Variants in SLC2A13 observed in about 807,000 individuals in gnomAD.
The protein encoded by SLC2A13 is solute carrier family 2 member 13, also known as proton myo-inositol cotransporter.
Under a neutral mutation model 64.4 loss-of-function variants are expected in SLC2A13, and 32 were observed. That is an observed-to-expected ratio of 0.50 (90% CI 0.37 to 0.67). SLC2A13 has a LOEUF of 0.67. SLC2A13 is among the 30% of genes least tolerant of loss of function. The probability of loss-of-function intolerance (pLI) is 0.00; values close to 1 mark genes in which losing one functional copy is unlikely to be tolerated. For missense variants in SLC2A13, 743 were observed against 829.2 expected (o/e 0.90, Z 1.28); for synonymous variants, 338 against 327.1 (o/e 1.03, Z -0.36).
At chr12:39,763,371 G>A (rs1263087511) in intron 9 of SLC2A13, among the ~76,000 whole-genome samples, 1 of 152,052 alleles carries the variant, frequency 6.6e-6, no homozygotes, top group Non-Finnish European at 1.5e-5. Flanking sequence ...AAGAGATGGG[G>A]AATAGATTTT....
intron 4 of SLC2A13, among the ~76,000 whole-genome samples, chr12:39,912,802 T>C (rs548936931): frequency 7.9e-5 from 12 of 152,214 alleles, no homozygotes; most frequent in African/African-American, 2.9e-4. Flanking sequence ...CTGTGTCTTG[T>C]GTAAACGTTA....
chr12:39,790,256 CATGTGCACATTG>C (rs1433215437), intron 7 of SLC2A13, among the ~76,000 whole-genome samples: 3 of 147,948 alleles, frequency 2.0e-5, no homozygotes, highest in Non-Finnish European at 4.4e-5. Flanking sequence ...TTTTAGGGTA[CATGTGCACATTG>C]TGCAGGTTAG....
At chr12:40,082,190 A>G (rs1452700663) in intron 1 of SLC2A13, among the ~76,000 whole-genome samples, 1 of 152,190 alleles carries the variant, frequency 6.6e-6, no homozygotes, top group Non-Finnish European at 1.5e-5. Context: ...TAGCATGCAC[A>G]CGGCATGTAC....
chr12:39,778,382 G>C (rs1265314746), intron 7 of SLC2A13, among the ~76,000 whole-genome samples: 4 of 152,148 alleles, frequency 2.6e-5, no homozygotes, highest in Non-Finnish European at 5.9e-5. Flanking sequence ...TTGGGGGCCA[G>C]CTGTAGGGAT....
chr12:40,029,886 G>A (rs1294789801), intron 2 of SLC2A13, among the ~76,000 whole-genome samples: 1 of 152,172 alleles, frequency 6.6e-6, no homozygotes, highest in East Asian at 1.9e-4. Flanking sequence ...AGTCACTCCT[G>A]CCTCTGCTCA....
rs1940989066 is a variant in SLC2A13, at chr12:39,781,638, C to T, written c.1446-16780G>A. ...TCATTCAATTTATCCCTTATTCTTG[C>T]TATGAATTTCCATATTATAGTCCAG... On this transcript the variant is annotated intron_variant, in intron 7 of 9. Transcript: ENST00000280871. 3.3e-5 allele frequency among the ~76,000 whole-genome samples: 5 copies of T among 152,190 alleles called. No individual in the cohort carries two copies. In the South Asian group the frequency reaches 8.3e-4, roughly 25 times the overall value.
chr12:39,856,210 A>G (rs1292536222), intron 6 of SLC2A13, among the ~76,000 whole-genome samples: 1 of 152,040 alleles, frequency 6.6e-6, no homozygotes, highest in Non-Finnish European at 1.5e-5. Flanking sequence ...TCTCTTATCA[A>G]TAGCAACCCT....
intron 3 of SLC2A13, among the ~76,000 whole-genome samples, chr12:40,013,610 G>A (rs1947569671): frequency 6.6e-6 from 1 of 152,158 alleles, no homozygotes; most frequent in Admixed American, 6.5e-5. Flanking sequence ...CCCACTATAT[G>A]ACACAAGAAC....
At chr12:39,995,660 T>A (rs548928613) in intron 3 of SLC2A13, among the ~76,000 whole-genome samples, 11 of 152,342 alleles carry the variant, frequency 7.2e-5, no homozygotes, top group African/African-American at 2.6e-4. Context: ...AGCTTTGACA[T>A]CTGATATGGT....
intron 3 of SLC2A13, among the ~76,000 whole-genome samples, chr12:40,005,311 T>C (rs1235952459): frequency 6.6e-6 from 1 of 152,154 alleles, no homozygotes; most frequent in Non-Finnish European, 1.5e-5. Context: ...TGTCCCCAGG[T>C]GAGCCACAAC....
At chr12:39,846,190 A>T (rs1943306720) in intron 6 of SLC2A13, among the ~76,000 whole-genome samples, 1 of 152,178 alleles carries the variant, frequency 6.6e-6, no homozygotes, top group African/African-American at 2.4e-5. Flanking sequence ...CTGCTCTAGA[A>T]AAACCAAGGT....
intron 5 of SLC2A13, among the ~76,000 whole-genome samples, chr12:39,871,296 T>C (rs181944983): frequency 7.9e-5 from 12 of 152,282 alleles, no homozygotes; most frequent in Admixed American, 7.8e-4. Flanking sequence ...ACCCTGGAAT[T>C]TAGGCCTGTT....
At chr12:39,760,949 A>G (rs1801878035) in intron 9 of SLC2A13, among the ~76,000 whole-genome samples, 2 of 4,370 alleles carry the variant, frequency 4.6e-4, no homozygotes, top group Non-Finnish European at 1.0e-3. Context: ...ACCTGTCTCT[A>G]CCAAACACAC....
chr12:39,782,633 T>C (rs886206413), intron 7 of SLC2A13, among the ~76,000 whole-genome samples: 1 of 152,194 alleles, frequency 6.6e-6, no homozygotes, highest in Non-Finnish European at 1.5e-5. Flanking sequence ...GCTGAAAAGA[T>C]ACCCGAAAAT....
intron 4 of SLC2A13, among the ~76,000 whole-genome samples, chr12:39,928,057 T>C (rs893629186): frequency 2.0e-5 from 3 of 152,222 alleles, no homozygotes; most frequent in African/African-American, 7.2e-5. Context: ...AGTCCTGATA[T>C]ATATTTAAGA....
chr12:39,968,895 C>T (rs890436277), intron 3 of SLC2A13, among the ~76,000 whole-genome samples: 3 of 151,354 alleles, frequency 2.0e-5, no homozygotes, highest in South Asian at 2.1e-4. Flanking sequence ...GTGTGCTGCA[C>T]CCATTAACTC....
chr12:39,781,848 A>G (rs1351790125), intron 7 of SLC2A13, among the ~76,000 whole-genome samples: 2 of 152,182 alleles, frequency 1.3e-5, no homozygotes, highest in Non-Finnish European at 2.9e-5. Flanking sequence ...GCCCTCACAT[A>G]CCCTGGAGGA....
At chr12:40,101,380 C>T (rs1389773900) in intron 1 of SLC2A13, among the ~76,000 whole-genome samples, 6 of 152,154 alleles carry the variant, frequency 3.9e-5, no homozygotes, top group Non-Finnish European at 7.3e-5. Context: ...TTGCTATCTT[C>T]GCCTTTGTCA....
intron 4 of SLC2A13, among the ~76,000 whole-genome samples, chr12:39,938,756 A>G (rs1043142357): frequency 1.3e-5 from 2 of 150,956 alleles, no homozygotes; most frequent in African/African-American, 2.4e-5. Context: ...TCACATCCAT[A>G]TTGTGCTAAC....
Sources: allele counts gnomAD v4.1 joint callset (sites outside exome capture counted in the v4.1 genomes callset), GRCh38; gene constraint gnomAD v4.1.1; transcripts MANE v1.5; gene names NCBI Gene and HGNC (gene_info 2026-07-23, HGNC 2026-07-21).